CWF19L1: variants seen among roughly 807,000 people sequenced by gnomAD.
CWF19L1 encodes CWF19 like cell cycle control factor 1.
A neutral mutation model predicts 69.7 loss-of-function variants in CWF19L1; 60 were observed. The observed-to-expected ratio is 0.86, with a 90% CI of 0.70 to 1.07. CWF19L1 has a LOEUF of 1.07. Ranked by LOEUF, CWF19L1 falls within the 50% of genes least tolerant of loss-of-function variation. The pLI is 0.00. For missense variants in CWF19L1, 591 were observed against 638.9 expected (o/e 0.92, Z 0.81); for synonymous variants, 209 against 222.2 (o/e 0.94, Z 0.53).
chr10:100,256,328 A>C lies in CWF19L1; in HGVS notation c.438T>G (p.Phe146Leu). The change falls in exon 5 of 14, where the codon TTT (phenylalanine) becomes TTG (leucine). Residue 146 changes from phenylalanine to leucine, a missense_variant. This residue lies in a region of CWF19L1 where 458 missense variants were observed against 489.3 expected (regional missense o/e 0.94). Transcript: ENST00000354105. Reference protein sequence around the residue: ...LRMMLCTTSQFKGVDILLTSP... With the variant: ...LRMMLCTTSQLKGVDILLTSP... ...ATGTGAGCAAGATATCAACACCCTTAAACTGGGAGGTTGTACACAGCATCA... is the reference window on the plus strand; with the variant it reads ...ATGTGAGCAAGATATCAACACCCTTCAACTGGGAGGTTGTACACAGCATCA... 1 of 1,614,174 alleles carries C rather than the reference A, an allele frequency of 6.2e-7. No homozygotes were observed. The highest frequency in any genetic ancestry group is 8.5e-7 in the Non-Finnish European group (1 of 1,180,018).
At chr10:100,244,688 CT>C (rs1846754094) in intron 9 of CWF19L1, among the ~76,000 whole-genome samples, 1 of 151,322 alleles carries the variant, frequency 6.6e-6, no homozygotes. Flanking sequence ...GGGCCTTGCT[CT>C]GTCACCCAGG....
At chr10:100,251,617 T>C (rs1050774079) in intron 6 of CWF19L1, among the ~76,000 whole-genome samples, 6 of 146,704 alleles carry the variant, frequency 4.1e-5, no homozygotes, top group African/African-American at 1.3e-4. Context: ...GTTCATGCCA[T>C]TCTCCTGCCT....
intron 1 of CWF19L1, among the ~76,000 whole-genome samples, chr10:100,264,558 T>A (rs1270098561): frequency 1.5e-5 from 2 of 137,530 alleles, no homozygotes; most frequent in Non-Finnish European, 1.5e-5. Context: ...AAAAAAAAAA[T>A]ATATTCAGTA....
rs769270878 is a variant in CWF19L1, at chr10:100,248,397, C to G, written c.709-1462G>C. 6.1e-5 allele frequency: 46 copies of G among 758,190 alleles called. 1 individual carries two copies. The highest frequency in any genetic ancestry group is 3.5e-4 in the South Asian group (25 of 71,652). 47.0% of individuals were successfully genotyped at this position (758,190 alleles called of 1,614,324 possible). ...CATCTTTGACCGATTCCATGGAGTA[C>G]AGAACACTGTGGTACGGGAAGGGAC... On this transcript the variant is annotated intron_variant, in intron 7 of 13. Coordinates refer to ENST00000354105, the MANE Select transcript of CWF19L1 (RefSeq NM_018294.6).
intron 4 of CWF19L1, 78 bp downstream of exon 4, chr10:100,260,140 C>T: frequency 1.1e-6 from 1 of 900,948 alleles, no homozygotes; most frequent in Non-Finnish European, 1.7e-6. Flanking sequence ...TGCACTCCAG[C>T]CTGGGTGACA....
intron 1 of CWF19L1, among the ~76,000 whole-genome samples, chr10:100,264,107 A>G (rs188724316): frequency 6.6e-6 from 1 of 152,348 alleles, no homozygotes; most frequent in Non-Finnish European, 1.5e-5. Context: ...ATCATAGTGC[A>G]ATATATTACT....
intron 10 of CWF19L1, among the ~76,000 whole-genome samples, chr10:100,243,143 GT>G (rs1416336597): frequency 1.3e-5 from 2 of 152,056 alleles, no homozygotes; most frequent in Non-Finnish European, 2.9e-5. Context: ...CCATTCCTAG[GT>G]CTATATCCAC....
Position 100,260,953 on chromosome 10 carries a change from A to G in CWF19L1, c.187+13T>C. The G allele has an allele frequency of 6.5e-7, 1 of 1,545,648 alleles. No homozygotes were observed. Among genetic ancestry groups the G allele is most frequent in the East Asian group, 2.3e-5 (1 of 43,906 alleles). The stretch of plus-strand genomic sequence containing the variant: ...ATTAGAAATCATATGTTAAATAAAA[A>G]TAATTTCTATACCTTTCTTGATGCC... On this transcript the variant is annotated intron_variant, in intron 3 of 13. Transcript: ENST00000354105.
At chr10:100,260,928 A>T (rs1259493335) in intron 3 of CWF19L1, 38 bp downstream of exon 3, 1 of 1,313,580 alleles carries the variant, frequency 7.6e-7, no homozygotes, top group East Asian at 2.5e-5. Flanking sequence ...TTGAAATTTT[A>T]TTAGAAATCA....
chr10:100,255,188 C>T (rs1759801231), intron 5 of CWF19L1, among the ~76,000 whole-genome samples: 1 of 152,238 alleles, frequency 6.6e-6, no homozygotes, highest in Non-Finnish European at 1.5e-5. Context: ...ATAGTTGTCA[C>T]TCCTGGTGTA....
Position 100,233,206 on chromosome 10 carries a change from T to C in CWF19L1, c.*21A>G, listed in dbSNP as rs925216001. On this transcript the variant is annotated 3_prime_UTR_variant, in exon 14 of 14. Coordinates refer to ENST00000354105, the MANE Select transcript of CWF19L1 (RefSeq NM_018294.6). ...GCTTTACTACTTCCTGTGGAGTTCATAAAAAGTTCTTCCCTTTGTTTTAGT... is the reference window on the plus strand; with the variant it reads ...GCTTTACTACTTCCTGTGGAGTTCACAAAAAGTTCTTCCCTTTGTTTTAGT... 4 of 1,578,172 alleles carry C rather than the reference T, an allele frequency of 2.5e-6. No individual in the cohort carries two copies. The African/African-American group carries it at 5.5e-5, about 22-fold the overall frequency.
chr10:100,249,013 T>C (rs1214793969), intron 7 of CWF19L1: 3 of 630,336 alleles, frequency 4.8e-6, no homozygotes, highest in African/African-American at 1.8e-5. Context: ...CCAGCTCTTA[T>C]ACTCTGGGAA....
chr10:100,261,166 G>A, intron 2 of CWF19L1, 122 bp from the exon 3 acceptor site: 2 of 654,046 alleles, frequency 3.1e-6, no homozygotes, highest in Non-Finnish European at 5.3e-6. Flanking sequence ...TAATCAATTT[G>A]CAGATTTCAA....
chr10:100,246,524 T>C (rs1846823168), intron 8 of CWF19L1, among the ~76,000 whole-genome samples: 1 of 152,172 alleles, frequency 6.6e-6, no homozygotes, highest in African/African-American at 2.4e-5. Flanking sequence ...AGATAATCAC[T>C]TTAGACAAAG....
At chr10:100,250,539 TTA>T (rs1256525771) in intron 6 of CWF19L1, among the ~76,000 whole-genome samples, 1 of 152,160 alleles carries the variant, frequency 6.6e-6, no homozygotes, top group Non-Finnish European at 1.5e-5. Flanking sequence ...AGAGATGAGA[TTA>T]TGTCTTCAGA....
At chr10:100,267,455 G>A (rs1386711912) in intron 1 of CWF19L1, 116 bp downstream of exon 1, 26 of 1,598,148 alleles carry the variant, frequency 1.6e-5, no homozygotes, top group East Asian at 4.5e-5. Context: ...CAGCAGCCCC[G>A]TGTCTCTCCG....
At chr10:100,248,544 G>A (rs1192807031) in intron 7 of CWF19L1, 3 of 716,662 alleles carry the variant, frequency 4.2e-6, no homozygotes, top group Non-Finnish European at 2.6e-6. Flanking sequence ...GGTGCACATG[G>A]GGGCCTGTCG....
At chr10:100,246,736 C>T in intron 8 of CWF19L1, 59 bp downstream of exon 8, 1 of 1,506,614 alleles carries the variant, frequency 6.6e-7, no homozygotes, top group Non-Finnish European at 9.0e-7. Flanking sequence ...GTCTTATGTA[C>T]TAAACTATAA....
chr10:100,258,085 A>G (rs190567618), intron 4 of CWF19L1, among the ~76,000 whole-genome samples: 11 of 152,254 alleles, frequency 7.2e-5, no homozygotes, highest in African/African-American at 2.6e-4. Flanking sequence ...TAAAAAATAC[A>G]AAATTAGCCG....
Sources: allele counts gnomAD v4.1 joint callset (sites outside exome capture counted in the v4.1 genomes callset), GRCh38; gene constraint gnomAD v4.1.1; regional missense constraint gnomAD v4.1.1; transcripts MANE v1.5; gene names NCBI Gene and HGNC (gene_info 2026-07-23, HGNC 2026-07-21).